The following DMBT1 variants were observed in gnomAD, a reference collection of about 807,000 sequenced individuals.
DMBT1 encodes the protein deleted in malignant brain tumors 1.
Under a neutral mutation model 252.9 loss-of-function variants are expected in DMBT1, and 198 were observed. That is an observed-to-expected ratio of 0.78 (90% CI 0.70 to 0.88). The LOEUF is 0.88. Ranked by LOEUF, DMBT1 falls within the 40% of genes least tolerant of loss-of-function variation. The pLI is 0.00. For missense variants in DMBT1, 2,432 were observed against 2,404.7 expected (o/e 1.01, Z -0.24); for synonymous variants, 990 against 942.7 (o/e 1.05, Z -0.92).
At chr10:122,590,346 A>G (rs1018913930) in intron 17 of DMBT1, among the ~76,000 whole-genome samples, 2 of 148,828 alleles carry the variant, frequency 1.3e-5, no homozygotes, top group African/African-American at 4.9e-5. Flanking sequence ...CACAGGCTGG[A>G]TTTTTGCTGG....
chr10:122,636,147 A>G lies in DMBT1; in HGVS notation c.6705A>G (p.Thr2235=), dbSNP rs1469949023. The G allele has an allele frequency of 6.2e-7, 1 of 1,613,956 alleles. No homozygotes were observed. Among genetic ancestry groups the G allele is most frequent in the African/African-American group, 1.3e-5 (1 of 75,042 alleles). The change falls in exon 53 of 56, where the codon ACA becomes ACG. Residue 2235 remains threonine (T), a synonymous_variant. Coordinates refer to ENST00000338354, the MANE Select transcript of DMBT1 (RefSeq NM_001377530.1). Reference sequence around the variant, plus strand: ...GCTTCATCAGTGACCACAGCATCACAAGGAGAGGGTTCCGGGCTGAGTACT... The same window carrying G: ...GCTTCATCAGTGACCACAGCATCACGAGGAGAGGGTTCCGGGCTGAGTACT... ...SIRFISDHSI[T]RRGFRAEYYS... is the part of the protein sequence containing the mutation.
chr10:122,579,472 T>G, intron 9 of DMBT1, 106 bp from the exon 10 acceptor site: 1 of 1,581,956 alleles, frequency 6.3e-7, no homozygotes, highest in Non-Finnish European at 8.6e-7. Context: ...GGTGACTGCC[T>G]GCCTAGGTGA....
intron 46 of DMBT1, among the ~76,000 whole-genome samples, chr10:122,628,451 C>T (rs999244398): frequency 3.9e-5 from 6 of 152,060 alleles, no homozygotes; most frequent in Non-Finnish European, 5.9e-5. Flanking sequence ...GCCTGGACAA[C>T]GTGGTGAAAC....
chr10:122,633,565 G>A (rs1019506119), intron 52 of DMBT1, among the ~76,000 whole-genome samples: 2 of 152,184 alleles, frequency 1.3e-5, no homozygotes, highest in African/African-American at 4.8e-5. Context: ...GAGAGCCTTG[G>A]AGTGGACAAA....
chr10:122,618,393 A>G (rs962059519), intron 41 of DMBT1, 53 bp downstream of exon 41: 3 of 1,613,196 alleles, frequency 1.9e-6, no homozygotes, highest in Non-Finnish European at 1.7e-6. Flanking sequence ...TTGCTCAGGA[A>G]GAAAATCCTA....
Position 122,625,951 on chromosome 10 carries a change from C to T in DMBT1, c.5654C>T (p.Thr1885Ile). 6.2e-7 allele frequency: 1 copy of T among 1,611,580 alleles called. No individual in the cohort carries two copies. The highest frequency in any genetic ancestry group is 1.1e-5 in the South Asian group (1 of 91,026). Residue 1885 changes from threonine to isoleucine, a missense_variant, in exon 46 of 56, where the codon ACT becomes ATT. By Grantham distance (89) the Thr-to-Ile change is moderately conservative. Coordinates refer to ENST00000338354, the MANE Select transcript of DMBT1 (RefSeq NM_001377530.1). ...STTTDWWHPT[T>I]TTTARPSSNC... is the part of the protein sequence containing the mutation. ...TTTCTAGATTGGTGGCATCCAACAA[C>T]TACAACCACTGCAAGTAGGTATCAC...
At chr10:122,561,322 C>G (rs2097543679) in intron 1 of DMBT1, among the ~76,000 whole-genome samples, 1 of 152,168 alleles carries the variant, frequency 6.6e-6, no homozygotes, top group Non-Finnish European at 1.5e-5. Flanking sequence ...TGAGCGCAGA[C>G]AAGATCATTA....
chr10:122,625,200 G>C (rs1193286597), intron 44 of DMBT1, 77 bp from the exon 45 acceptor site: 2 of 1,401,764 alleles, frequency 1.4e-6, no homozygotes, highest in African/African-American at 2.8e-5. Context: ...GATGAGATGG[G>C]GACAGGCACT....
At chr10:122,566,715 T>A (rs2097596700) in intron 2 of DMBT1, among the ~76,000 whole-genome samples, 1 of 152,146 alleles carries the variant, frequency 6.6e-6, no homozygotes, top group African/African-American at 2.4e-5. Flanking sequence ...ATGAAATGAA[T>A]TGATATATTT....
intron 19 of DMBT1, 32 bp from the exon 20 acceptor site, chr10:122,592,240 G>A (rs1475327903): frequency 6.3e-7 from 1 of 1,582,752 alleles, no homozygotes; most frequent in South Asian, 1.2e-5. Context: ...TCATGGTAGG[G>A]ATGGATAAAG....
At chr10:122,617,519 A>G (rs2098004260) in intron 40 of DMBT1, among the ~76,000 whole-genome samples, 1 of 151,478 alleles carries the variant, frequency 6.6e-6, no homozygotes, top group African/African-American at 2.4e-5. Flanking sequence ...CGAGCACTGG[A>G]AGGCTCCCTA....
Position 122,590,696 on chromosome 10 carries a change from T to C in DMBT1, c.2137+2T>C, listed in dbSNP as rs756751438. Reference sequence around the variant, plus strand: ...AGTCCCGGTCGACGCCCAGGCCAGGTGAGTCCCCAGTGTCCTTCCTTGGGA... The same window carrying C: ...AGTCCCGGTCGACGCCCAGGCCAGGCGAGTCCCCAGTGTCCTTCCTTGGGA... On this transcript the variant is annotated splice_donor_variant, in intron 18 of 55. Transcript: ENST00000338354. LOFTEE classifies it high-confidence loss of function. 5 of 1,587,482 alleles carry C rather than the reference T, an allele frequency of 3.1e-6. No homozygotes were observed. The South Asian group carries it at 5.8e-5, about 18-fold the overall frequency.
chr10:122,597,891 G>A, intron 24 of DMBT1, 83 bp from the exon 25 acceptor site: 1 of 1,603,960 alleles, frequency 6.2e-7, no homozygotes, highest in Non-Finnish European at 8.5e-7. Context: ...TTTTCATGAT[G>A]TTTGCCTTCT....
rs776283769 is a variant in DMBT1 at position 122,617,218 on chromosome 10, C to T, written c.4859-10C>T. The T allele has an allele frequency of 5.6e-6, 9 of 1,608,978 alleles. No individual in the cohort carries two copies. Among genetic ancestry groups the T allele is most frequent in the Non-Finnish European group, 6.8e-6 (8 of 1,178,462 alleles). On this transcript the variant is annotated splice_polypyrimidine_tract_variant and intron_variant, in intron 39 of 55. Transcript: ENST00000338354. ...CTAATTCTGTCTTTTTTCTTTGTTG[C>T]TATTTACAGACACTTGGCCAACCTC...
chr10:122,625,377 G>A, intron 45 of DMBT1, 74 bp downstream of exon 45: 13 of 1,455,396 alleles, frequency 8.9e-6, no homozygotes, highest in Non-Finnish European at 1.2e-5. Flanking sequence ...AGAAGTAGGA[G>A]GAGTAGGGTA....
intron 47 of DMBT1, 110 bp from the exon 48 acceptor site, chr10:122,630,178 T>C: frequency 1.5e-6 from 2 of 1,363,268 alleles, no homozygotes. Flanking sequence ...GAGGAAGAGC[T>C]AGAAGAAAAA....
chr10:122,598,868 G>T lies in DMBT1; in HGVS notation c.3051G>T (p.Val1017=). 6.2e-7 allele frequency: 1 copy of T among 1,613,822 alleles called. No individual in the cohort carries two copies. Among genetic ancestry groups the T allele is most frequent in the East Asian group, 2.2e-5 (1 of 44,870 alleles). Residue 1017 remains valine (V), a synonymous_variant, in exon 26 of 56, where the codon GTG becomes GTT. Transcript: ENST00000338354. The part of the protein sequence containing the change: ...EVLYQGSWGT[V]CDDSWDTNDA... ...TATACCAAGGCTCCTGGGGCACCGT[G>T]TGCGATGACAGCTGGGACACCAATG...
intron 55 of DMBT1, 40 bp from the exon 56 acceptor site, chr10:122,643,082 G>A (rs370441430): frequency 3.8e-6 from 6 of 1,596,678 alleles, no homozygotes; most frequent in Middle Eastern, 1.7e-4. Context: ...AGGAAGAATC[G>A]GGCCTTGGTG....
chr10:122,585,414 C>T (rs1554979973), intron 15 of DMBT1, 105 bp downstream of exon 15: 3 of 1,395,184 alleles, frequency 2.2e-6, no homozygotes, highest in Non-Finnish European at 2.0e-6. Flanking sequence ...CTCTGTTTTT[C>T]ATGTCCCTGT....
Sources: allele counts gnomAD v4.1 joint callset (sites outside exome capture counted in the v4.1 genomes callset), GRCh38; gene constraint gnomAD v4.1.1; transcripts MANE v1.5; gene names NCBI Gene and HGNC (gene_info 2026-07-23, HGNC 2026-07-21).